The following ZBTB7B variants were observed in gnomAD, a reference collection of about 807,000 sequenced individuals.
The protein encoded by ZBTB7B is zinc finger and BTB domain containing 7B, also known as zinc finger and BTB domain-containing protein 7B.
Under a neutral mutation model 31.0 loss-of-function variants are expected in ZBTB7B, and 8 were observed. The ratio of observed to expected loss-of-function variants is 0.26; its 90% CI spans 0.15 to 0.47. ZBTB7B has a LOEUF of 0.47. ZBTB7B is among the 20% of genes least tolerant of loss of function. ZBTB7B has a pLI of 0.99. For missense variants in ZBTB7B, 494 were observed against 742.4 expected, an observed-to-expected ratio of 0.67 and a Z score of 3.89; for synonymous variants, 261 against 307.3, an observed-to-expected ratio of 0.85 and a Z score of 1.58.
At position 155,004,204 on chromosome 1, in the gene ZBTB7B, C is replaced by CA. The variant is rs1449638398; in HGVS notation, c.-7+1262dup. 1.3e-5 allele frequency among the ~76,000 whole-genome samples: 2 copies of CA among 152,280 alleles called. No individual in the cohort carries two copies. Among genetic ancestry groups the CA allele is most frequent in the African/African-American group, 4.8e-5 (2 of 41,548 alleles). On this transcript the variant is annotated intron_variant, in intron 1 of 2. Coordinates refer to ENST00000535420, the MANE Select transcript of ZBTB7B (RefSeq NM_001256455.2). The surrounding 1 kb of genome is among the most constrained non-coding windows in gnomAD (Gnocchi z 4.0). ...GGTGCTGGGGAGAGGGGGAGACCGG[C>CA]AGGCTGTCCAGGCTTCCGGGCCAGG...
At chr1:155,010,334 C>T (rs2102289618) in intron 1 of ZBTB7B, 1 of 154,334 alleles carries the variant, frequency 6.5e-6, no homozygotes. Flanking sequence ...GCAGCCAACT[C>T]CCCTCGCCTC....
rs1475015086 is a variant in ZBTB7B at position 155,015,540 on chromosome 1, G to T, written c.880G>T (p.Gly294Cys). ...YPPAYGLAQG[G>C]GPPLSPEELG... ...CCCAGCCTATGGGCTGGCGCAGGGT[G>T]GCGGGCCCCCGCTGTCCCCAGAGGA... is the stretch of plus-strand genomic sequence containing the variant. Residue 294 changes from glycine to cysteine, a missense_variant, in exon 2 of 3, where the codon GGC (glycine) becomes TGC (cysteine). Coordinates refer to ENST00000535420, the MANE Select transcript of ZBTB7B (RefSeq NM_001256455.2). 13 of 1,613,916 alleles carry T rather than the reference G, an allele frequency of 8.1e-6. No individual in the cohort carries two copies. Among genetic ancestry groups the T allele is most frequent in the Non-Finnish European group, 1.1e-5 (13 of 1,179,960 alleles).
intron 1 of ZBTB7B, among the ~76,000 whole-genome samples, chr1:155,006,035 C>A (rs1658539446): frequency 6.6e-6 from 1 of 152,202 alleles, no homozygotes; most frequent in Non-Finnish European, 1.5e-5. Flanking sequence ...CTGCCAGCAT[C>A]TGTCCCAGAG....
upstream of ZBTB7B, among the ~76,000 whole-genome samples, chr1:155,001,825 C>G (rs1359887814): frequency 1.3e-5 from 2 of 151,858 alleles, no homozygotes. The surrounding 1 kb of genome is among the most constrained non-coding windows in gnomAD (Gnocchi z 4.8). Flanking sequence ...GCAGGGCGCC[C>G]GCAGGCTCAA....
At chr1:155,013,750 A>AGGGGGC (rs1659161200) in intron 1 of ZBTB7B, among the ~76,000 whole-genome samples, 1 of 49,084 alleles carries the variant, frequency 2.0e-5, no homozygotes, top group Non-Finnish European at 4.5e-5. Context: ...GCAGTGGGGG[A>AGGGGGC]GGGGGCGGGG....
chr1:155,015,359 TGAG>T lies in ZBTB7B; in HGVS notation c.710_712del (p.Glu237del), dbSNP rs769019562. On this transcript the variant is annotated inframe_deletion, in exon 2 of 3. Transcript: ENST00000535420. ...CAGTGCCCGCCCATCCCTTGACCTA[TGAG>T]GAGGAGGAGGTGGCGGGCAGAGTGG... 12 of 1,580,394 alleles carry T rather than the reference TGAG, an allele frequency of 7.6e-6. No homozygotes were observed. The highest frequency in any genetic ancestry group is 2.3e-5 in the South Asian group (2 of 86,704).
chr1:155,013,854 G>A (rs1659171360), intron 1 of ZBTB7B, among the ~76,000 whole-genome samples: 1 of 152,000 alleles, frequency 6.6e-6, no homozygotes, highest in East Asian at 1.9e-4. Context: ...GGGGAGGGGA[G>A]GATGTGGGGG....
chr1:155,011,037 G>A (rs912165419), intron 1 of ZBTB7B: 9 of 1,523,662 alleles, frequency 5.9e-6, no homozygotes, highest in African/African-American at 2.8e-5. Context: ...GGAACCTGGG[G>A]AGGGGGGGCT....
At position 155,017,353 on chromosome 1, in the gene ZBTB7B, C is replaced by CT. The variant is rs1177982014; in HGVS notation, c.*668_*669insT. 1 of 152,500 alleles carries CT rather than the reference C, an allele frequency of 6.6e-6. No homozygotes were observed. Among genetic ancestry groups the CT allele is most frequent in the Non-Finnish European group, 1.5e-5 (1 of 68,388 alleles). 9.4% of individuals were successfully genotyped at this position (152,500 alleles called of 1,614,324 possible). ...TGATTGGCTCGCCTGCCCCTGGGGG[C>CT]AGTAGAGGGGCCCCGCCCAGCTAGG... On this transcript the variant is annotated 3_prime_UTR_variant, in exon 3 of 3. Coordinates refer to ENST00000535420, the MANE Select transcript of ZBTB7B (RefSeq NM_001256455.2).
chr1:155,009,940 G>A (rs556170171), intron 1 of ZBTB7B, among the ~76,000 whole-genome samples: 4 of 152,200 alleles, frequency 2.6e-5, no homozygotes, highest in African/African-American at 9.6e-5. Flanking sequence ...GACACTGATG[G>A]GGTGGAGAGG....
At chr1:155,011,375 T>A (rs1019402966) in intron 1 of ZBTB7B, among the ~76,000 whole-genome samples, 2 of 152,218 alleles carry the variant, frequency 1.3e-5, no homozygotes, top group Non-Finnish European at 2.9e-5. Context: ...CCCTGCCAGG[T>A]GCCCTTGAGC....
At position 155,003,699 on chromosome 1, in the gene ZBTB7B, C is replaced by G. The variant is rs1026571136; in HGVS notation, c.-7+756C>G. Among the ~76,000 whole-genome samples the G allele has an allele frequency of 2.6e-5, 4 of 152,366 alleles. No individual in the cohort carries two copies. In the East Asian group the frequency reaches 5.8e-4, roughly 22 times the overall value. ...ATTCTCCTACCTACTACCCGTCCCC[C>G]CACCGGCGCCGGCGCACCTGCCCCA... On this transcript the variant is annotated intron_variant, in intron 1 of 2. Coordinates refer to ENST00000535420, the MANE Select transcript of ZBTB7B (RefSeq NM_001256455.2). This position sits in a 1 kb window ranked among gnomAD's most constrained non-coding sequence, Gnocchi z 5.8.
intron 1 of ZBTB7B, among the ~76,000 whole-genome samples, chr1:155,009,538 G>T (rs771744836): frequency 5.3e-5 from 8 of 152,206 alleles, no homozygotes; most frequent in Admixed American, 4.6e-4. Context: ...GGCACCCTCC[G>T]GGGAAAGTCC....
chr1:155,009,957 A>C (rs559189830), intron 1 of ZBTB7B, among the ~76,000 whole-genome samples: 48 of 152,034 alleles, frequency 3.2e-4, no homozygotes, highest in Non-Finnish European at 5.0e-4. Context: ...GAGGATGCGG[A>C]GTTCAGGGAG....
upstream of ZBTB7B, among the ~76,000 whole-genome samples, chr1:155,002,273 A>AT (rs1247607210): frequency 6.9e-6 from 1 of 144,924 alleles, no homozygotes; most frequent in African/African-American, 2.6e-5. Context: ...AAAGGGCTGG[A>AT]TGGGGGCCGG....
At position 155,018,262 on chromosome 1, in the gene ZBTB7B, T is replaced by TA. The variant is rs1307511135; in HGVS notation, c.*1578dup. The TA allele has an allele frequency of 2.7e-5, 12 of 446,946 alleles. No homozygotes were observed. The highest frequency in any genetic ancestry group is 4.9e-5 in the Non-Finnish European group (12 of 245,736). The allele number at this position is 446,946 out of a possible 1,614,324, so 27.7% of individuals were successfully genotyped here. ...ATCTATTTAAAAAGTGATGATGTAA[T>TA]ATATTGGGGTGGCGGGGAGATCGGG... On this transcript the variant is annotated 3_prime_UTR_variant, in exon 3 of 3. Coordinates refer to ENST00000535420, the MANE Select transcript of ZBTB7B (RefSeq NM_001256455.2).
At position 155,016,618 on chromosome 1, in the gene ZBTB7B, C is replaced by G. The variant is rs141306094; in HGVS notation, c.1553C>G (p.Pro518Arg). ...CCCCCGGTCTCTACCCCAGGGCCCC[C>G]TGATGACGATGAGGAGGAAGGGGCA... is the stretch of plus-strand genomic sequence containing the variant. ...TGPPVSTPGP[P>R]DDDEEEGAPT... The change falls in exon 3 of 3, where the codon CCT (proline) becomes CGT (arginine). Residue 518 changes from proline (P) to arginine (R), a missense_variant. Pro to Arg is a moderately radical substitution (Grantham distance 103). Around this residue, in one of 5 missense-constraint regions of ZBTB7B, gnomAD observed 101 missense variants for 119.5 expected, o/e 0.85. Transcript: ENST00000535420. This position sits in a 1 kb window ranked among gnomAD's most constrained non-coding sequence, Gnocchi z 4.3. 3 of 1,611,046 alleles carry G rather than the reference C, an allele frequency of 1.9e-6. No individual in the cohort carries two copies. Among genetic ancestry groups the G allele is most frequent in the Non-Finnish European group, 2.5e-6 (3 of 1,178,124 alleles).
upstream of ZBTB7B, among the ~76,000 whole-genome samples, chr1:155,002,170 C>T (rs1658263423): frequency 6.6e-6 from 1 of 152,046 alleles, no homozygotes; most frequent in Admixed American, 6.5e-5. Context: ...CCTCCCTGGA[C>T]GAACGCAAGG....
chr1:155,012,862 G>A (rs962021036), intron 1 of ZBTB7B, among the ~76,000 whole-genome samples: 2 of 150,442 alleles, frequency 1.3e-5, no homozygotes, highest in Non-Finnish European at 2.9e-5. Context: ...AACAGCTGCT[G>A]GAGTGGCAGA....
Sources: allele counts gnomAD v4.1 joint callset (sites outside exome capture counted in the v4.1 genomes callset), GRCh38; gene constraint gnomAD v4.1.1; regional missense constraint gnomAD v4.1.1; non-coding constraint Gnocchi (gnomAD v3.1); transcripts MANE v1.5; gene names NCBI Gene and HGNC (gene_info 2026-07-23, HGNC 2026-07-21).